HMGN5: variants seen among roughly 807,000 people sequenced by gnomAD.
HMGN5 encodes the protein high mobility group nucleosome binding domain 5.
In HMGN5, 4 loss-of-function variants were observed where a neutral mutation model predicts 9.5. That is an observed-to-expected ratio of 0.42 (90% CI 0.21 to 0.96). The LOEUF (loss-of-function observed/expected upper bound fraction) is 0.96, where lower values mean the gene tolerates loss of function less well. HMGN5 is among the 40% of genes least tolerant of loss of function. HMGN5 has a pLI of 0.30. For missense variants in HMGN5, 192 were observed against 187.5 expected, an observed-to-expected ratio of 1.02 and a Z score of -0.14; for synonymous variants, 55 against 57.1, an observed-to-expected ratio of 0.96 and a Z score of 0.16.
intron 1 of HMGN5, among the ~76,000 whole-genome samples, chrX:81,147,837 AACAG>A (rs1278217595): frequency 9.0e-6 from 1 of 111,578 alleles, no homozygotes; most frequent in Non-Finnish European, 1.9e-5. Context: ...ATACACCAAT[AACAG>A]ACAAACACAG....
In HMGN5 at chrX:81,114,646, G is replaced by A; in HGVS notation, c.*3C>T. 1.8e-6 allele frequency: 2 copies of A among 1,124,661 alleles called. No homozygotes were observed. The highest frequency in any genetic ancestry group is 2.3e-6 in the Non-Finnish European group (2 of 856,955). 92.7% of individuals were successfully genotyped at this position (1,124,661 alleles called of 1,213,427 possible). A position where few individuals can be genotyped will look rare whatever the true frequency, so the allele number is the denominator to read the frequency against. ...CCAAATTATGAAACTACATAGGGCA[G>A]TTTTAAACAATACTCTGTGGCTCCT... On this transcript the variant is annotated 3_prime_UTR_variant, in exon 7 of 7. Transcript: ENST00000358130.
At chrX:81,127,319 C>T (rs2075286633) in intron 1 of HMGN5, among the ~76,000 whole-genome samples, 1 of 111,466 alleles carries the variant, frequency 9.0e-6, no homozygotes, top group African/African-American at 3.3e-5. Flanking sequence ...AGCCTATTTT[C>T]AAGAATAGAT....
intron 1 of HMGN5, among the ~76,000 whole-genome samples, chrX:81,186,590 T>TA (rs1208883285): frequency 8.9e-6 from 1 of 112,089 alleles, no homozygotes; most frequent in Non-Finnish European, 1.9e-5. Flanking sequence ...GTTCATTTCA[T>TA]ATTTATTAAT....
intron 1 of HMGN5, among the ~76,000 whole-genome samples, chrX:81,187,965 A>G (rs978989974): frequency 8.1e-5 from 9 of 111,788 alleles, no homozygotes; most frequent in African/African-American, 1.9e-4. Flanking sequence ...CTGTTTGAAT[A>G]AAAAACCTAA....
chrX:81,181,432 G>A (rs1309979938), intron 1 of HMGN5, among the ~76,000 whole-genome samples: 1 of 111,393 alleles, frequency 9.0e-6, no homozygotes, highest in Non-Finnish European at 1.9e-5. Flanking sequence ...ATCACCTCAA[G>A]TATTTATCCT....
At chrX:81,179,619 C>G (rs1362958957) in intron 1 of HMGN5, among the ~76,000 whole-genome samples, 2 of 111,557 alleles carry the variant, frequency 1.8e-5, no homozygotes, top group Non-Finnish European at 3.8e-5. Context: ...TGAAAGTGGC[C>G]ATACTGCCCA....
At chrX:81,150,934 C>A (rs5959825) in intron 1 of HMGN5, among the ~76,000 whole-genome samples, 4,992 of 111,552 alleles carry the variant, frequency 0.045, 283 homozygotes, top group African/African-American at 0.15. Flanking sequence ...GAAATCCAAA[C>A]CCTGAACAGA....
intron 1 of HMGN5, among the ~76,000 whole-genome samples, chrX:81,172,239 T>C (rs1309373651): frequency 9.0e-6 from 1 of 111,130 alleles, no homozygotes; most frequent in Non-Finnish European, 1.9e-5. Flanking sequence ...ACCAAATGTG[T>C]GGACATTGTT....
At chrX:81,180,010 C>CTGAA (rs1014794026) in intron 1 of HMGN5, among the ~76,000 whole-genome samples, 1 of 111,529 alleles carries the variant, frequency 9.0e-6, no homozygotes, top group African/African-American at 3.3e-5. Context: ...ATGTAGAAAG[C>CTGAA]TGAAACTGGA....
chrX:81,179,230 T>G (rs765857094), intron 1 of HMGN5, among the ~76,000 whole-genome samples: 84 of 111,368 alleles, frequency 7.5e-4, no homozygotes, highest in African/African-American at 2.7e-3. Context: ...AGAAATAAAG[T>G]GTATTCGATT....
rs1004470403 is a variant in HMGN5 at position 81,117,648 on chromosome X, GA to G, written c.129+783del. Among the ~76,000 whole-genome samples the G allele has an allele frequency of 6.5e-5, 7 of 107,768 alleles. No homozygotes were observed. In the East Asian group the frequency reaches 8.6e-4, roughly 13 times the overall value. The allele number at this position is 107,768 out of a possible 115,157, so 93.6% of individuals were successfully genotyped here. A position where few individuals can be genotyped will look rare whatever the true frequency, so the allele number is the denominator to read the frequency against. On this transcript the variant is annotated intron_variant, in intron 5 of 6. Coordinates refer to ENST00000358130, the MANE Select transcript of HMGN5 (RefSeq NM_030763.3). Reference sequence around the variant, plus strand: ...TAGTGGACTTGAAAAGTAAAATGCAGAAAAAAAAACCTTCTTTTCTTTTGTC... The same window carrying G: ...TAGTGGACTTGAAAAGTAAAATGCAGAAAAAAAACCTTCTTTTCTTTTGTC...
Position 81,114,553 on chromosome X carries a change from C to T in HMGN5, c.*96G>A. 2 of 783,853 alleles carry T rather than the reference C, an allele frequency of 2.6e-6. No homozygotes were observed. Among genetic ancestry groups the T allele is most frequent in the Non-Finnish European group, 3.4e-6 (2 of 591,466 alleles). The allele number at this position is 783,853 out of a possible 1,213,427, so 64.6% of individuals were successfully genotyped here. ...AAATTAAATCAATGCTAAAGAAAGG[C>T]TGTGTTTATAAAATTTTTGATAAAA... On this transcript the variant is annotated 3_prime_UTR_variant, in exon 7 of 7. Coordinates refer to ENST00000358130, the MANE Select transcript of HMGN5 (RefSeq NM_030763.3).
chrX:81,126,165 A>T, intron 1 of HMGN5, among the ~76,000 whole-genome samples: 1 of 109,744 alleles, frequency 9.1e-6, no homozygotes, highest in African/African-American at 3.3e-5. Flanking sequence ...AAAAAAAAAA[A>T]AAAAAATCAG....
At chrX:81,129,441 T>C (rs1292596286) in intron 1 of HMGN5, among the ~76,000 whole-genome samples, 1 of 111,779 alleles carries the variant, frequency 8.9e-6, no homozygotes, top group Non-Finnish European at 1.9e-5. Flanking sequence ...CTGTGAATTT[T>C]TCGACCATAT....
intron 1 of HMGN5, among the ~76,000 whole-genome samples, chrX:81,189,529 A>C (rs1228902375): frequency 8.9e-6 from 1 of 111,916 alleles, no homozygotes; most frequent in Non-Finnish European, 1.9e-5. Flanking sequence ...GTAAGGATTT[A>C]AGTTTCCTCT....
chrX:81,176,592 A>G (rs1172058257), intron 1 of HMGN5, among the ~76,000 whole-genome samples: 3 of 111,839 alleles, frequency 2.7e-5, no homozygotes, highest in African/African-American at 9.8e-5. Flanking sequence ...AAGACCTTAA[A>G]TGACCTGATG....
chrX:81,146,333 A>G (rs1227079810), intron 1 of HMGN5, among the ~76,000 whole-genome samples: 1 of 112,082 alleles, frequency 8.9e-6, no homozygotes, highest in Admixed American at 9.5e-5. Flanking sequence ...ATAACTCAGG[A>G]TTGAGAAACT....
chrX:81,134,203 T>A (rs192427391), intron 1 of HMGN5, among the ~76,000 whole-genome samples: 230 of 111,605 alleles, frequency 2.1e-3, no homozygotes, highest in Middle Eastern at 9.3e-3. Flanking sequence ...CTATGTACTG[T>A]ACTGCCATTT....
chrX:81,127,587 G>T (rs1391266537), intron 1 of HMGN5, among the ~76,000 whole-genome samples: 3 of 109,792 alleles, frequency 2.7e-5, no homozygotes, highest in Middle Eastern at 4.7e-3. Flanking sequence ...TTCCTGTTTT[G>T]GGCTTTATCC....
Sources: gnomAD v4.1 joint callset for allele counts (sites outside exome capture counted in the v4.1 genomes callset) on GRCh38, gnomAD v4.1.1 for gene constraint, MANE v1.5 for transcripts, NCBI Gene and HGNC (gene_info 2026-07-23, HGNC 2026-07-21) for gene names.